Variants in SGPL1 observed in about 807,000 individuals in gnomAD.
SGPL1 encodes sphingosine-1-phosphate lyase 1.
A neutral mutation model predicts 68.9 loss-of-function variants in SGPL1; 37 were observed. The ratio of observed to expected loss-of-function variants is 0.54; its 90% CI spans 0.41 to 0.71. The LOEUF (loss-of-function observed/expected upper bound fraction) is 0.71. SGPL1 is among the 30% of genes least tolerant of loss of function. The pLI, the probability that SGPL1 is intolerant of heterozygous loss-of-function variation, is 0.00. For synonymous variants in SGPL1, 236 were observed against 248.5 expected (o/e 0.95, Z 0.47); for missense variants, 551 against 704.6 (o/e 0.78, Z 2.47).
rs1330772364 is a variant in SGPL1 at position 70,825,801 on chromosome 10, A to G, written c.27+8921A>G. ...ATTTTTCATGTGTCCAGATCACTGA[A>G]TGCATCAGCTAGAATTAGGTTTGAG... On this transcript the variant is annotated intron_variant, in intron 2 of 14. Transcript: ENST00000373202. Among the ~76,000 whole-genome samples, 4 of 152,206 alleles carry G rather than the reference A, an allele frequency of 2.6e-5. No homozygotes were observed. The East Asian group carries it at 7.7e-4, about 29-fold the overall frequency.
intron 7 of SGPL1, among the ~76,000 whole-genome samples, chr10:70,861,564 C>T (rs1846054966): frequency 1.3e-5 from 2 of 152,222 alleles, no homozygotes; most frequent in Admixed American, 6.5e-5. Context: ...CTCTTCAGCC[C>T]ACCGCTGCAC....
intron 8 of SGPL1, chr10:70,869,198 G>T (rs1846245908): frequency 6.6e-6 from 1 of 152,274 alleles, no homozygotes; most frequent in Admixed American, 6.5e-5. Flanking sequence ...TGTATGAATG[G>T]AGTAGTTGAG....
At chr10:70,818,603 C>T (rs1026046418) in intron 2 of SGPL1, among the ~76,000 whole-genome samples, 2 of 152,102 alleles carry the variant, frequency 1.3e-5, no homozygotes, top group Non-Finnish European at 2.9e-5. Flanking sequence ...AGTGGCATAA[C>T]CTGTAAGGTC....
At chr10:70,862,974 G>T (rs1237451574) in intron 7 of SGPL1, among the ~76,000 whole-genome samples, 2 of 152,070 alleles carry the variant, frequency 1.3e-5, no homozygotes, top group African/African-American at 4.8e-5. Flanking sequence ...CTGTTTTGTA[G>T]TTCTCCTTTT....
At chr10:70,833,404 T>G (rs1845575927) in intron 2 of SGPL1, among the ~76,000 whole-genome samples, 1 of 152,222 alleles carries the variant, frequency 6.6e-6, no homozygotes, top group Non-Finnish European at 1.5e-5. Context: ...TTCAGTTTCC[T>G]CAAACGTTTC....
At chr10:70,829,056 C>T (rs1436621579) in intron 2 of SGPL1, among the ~76,000 whole-genome samples, 7 of 152,092 alleles carry the variant, frequency 4.6e-5, no homozygotes. Context: ...GGAAGAAAGC[C>T]TAAGACTCTG....
chr10:70,830,929 C>A (rs558734073), intron 2 of SGPL1, among the ~76,000 whole-genome samples: 89 of 152,190 alleles, frequency 5.8e-4, no homozygotes, highest in African/African-American at 2.0e-3. Flanking sequence ...ATAACTGGTT[C>A]AAAGGAGAGG....
intron 5 of SGPL1, chr10:70,857,393 T>C (rs1249904463): frequency 2.6e-5 from 12 of 462,194 alleles, no homozygotes; most frequent in Non-Finnish European, 4.0e-5. Flanking sequence ...ATGCTATTAA[T>C]ATCTTTTTCA....
intron 3 of SGPL1, 37 bp downstream of exon 3, chr10:70,844,675 G>C: frequency 1.3e-6 from 2 of 1,569,964 alleles, no homozygotes; most frequent in Non-Finnish European, 1.7e-6. Context: ...GTATAGTGGT[G>C]TGTCACTAGC....
At chr10:70,837,188 A>C (rs765262483) in intron 2 of SGPL1, among the ~76,000 whole-genome samples, 51 of 151,206 alleles carry the variant, frequency 3.4e-4, no homozygotes, top group Non-Finnish European at 6.1e-4. Context: ...AGCGATTCTC[A>C]TGCTTCAGCC....
In SGPL1 at chr10:70,869,699, A is replaced by G. The variant is rs146181199; in HGVS notation, c.705-93A>G. 6,195 of 929,658 alleles carry G rather than the reference A, an allele frequency of 6.7e-3. 55 individuals carry two copies. Among genetic ancestry groups the G allele is most frequent in the Middle Eastern group, 9.4e-3 (42 of 4,458 alleles). The allele number at this position is 929,658 out of a possible 1,614,324, so 57.6% of individuals were successfully genotyped here. A position where few individuals can be genotyped will look rare whatever the true frequency, so the allele number is the denominator to read the frequency against. On this transcript the variant is annotated intron_variant, in intron 8 of 14. Coordinates refer to ENST00000373202, the MANE Select transcript of SGPL1 (RefSeq NM_003901.4). ...ATTTTTAATTTGGGGAAAAATAATC[A>G]GAACTTACTCCCGGTAATTTAGATT...
chr10:70,819,556 A>G (rs999404052), intron 2 of SGPL1, among the ~76,000 whole-genome samples: 1 of 152,168 alleles, frequency 6.6e-6, no homozygotes, highest in African/African-American at 2.4e-5. Context: ...GACCTAAGTG[A>G]ATAAAAAAAT....
At chr10:70,870,991 A>G in intron 9 of SGPL1, 57 bp from the exon 10 acceptor site, 1 of 1,469,730 alleles carries the variant, frequency 6.8e-7, no homozygotes, top group Non-Finnish European at 9.5e-7. Flanking sequence ...TTGGCAGCAG[A>G]AGAGAAGAGT....
chr10:70,879,061 G>T lies in SGPL1; in HGVS notation c.*1726G>T, dbSNP rs533338420. The T allele has an allele frequency of 6.5e-6, 1 of 153,030 alleles. No homozygotes were observed. The highest frequency in any genetic ancestry group is 2.4e-5 in the African/African-American group (1 of 41,576). 9.5% of individuals were successfully genotyped at this position (153,030 alleles called of 1,614,324 possible). ...GTGCCTTTCTCCTCAGCAGTGAGCA[G>T]TGAGCTACTCCTGGCCCAGGCCCTA... On this transcript the variant is annotated 3_prime_UTR_variant, in exon 15 of 15. Coordinates refer to ENST00000373202, the MANE Select transcript of SGPL1 (RefSeq NM_003901.4).
chr10:70,857,595 A>C lies in SGPL1; in HGVS notation c.410-19A>C, dbSNP rs778614171. 21 of 1,604,684 alleles carry C rather than the reference A, an allele frequency of 1.3e-5. No individual in the cohort carries two copies. In the African/African-American group the frequency reaches 2.8e-4, roughly 21 times the overall value. ...AGAGATTCTTGCTTACTGACCAGTG[A>C]CCTTACCTTTCTCTGCAGACGCCTT... On this transcript the variant is annotated intron_variant, in intron 5 of 14. Coordinates refer to ENST00000373202, the MANE Select transcript of SGPL1 (RefSeq NM_003901.4).
At chr10:70,817,530 C>G (rs955345178) in intron 2 of SGPL1, among the ~76,000 whole-genome samples, 7 of 152,142 alleles carry the variant, frequency 4.6e-5, no homozygotes, top group Non-Finnish European at 8.8e-5. Flanking sequence ...CCTGGAACTC[C>G]CACTTCAAGT....
At chr10:70,827,119 G>T (rs1322296009) in intron 2 of SGPL1, among the ~76,000 whole-genome samples, 1 of 152,112 alleles carries the variant, frequency 6.6e-6, no homozygotes, top group Non-Finnish European at 1.5e-5. Flanking sequence ...TTCTGAAGAG[G>T]CCAATACAAT....
chr10:70,851,719 G>GTTT (rs1845885286), intron 4 of SGPL1, among the ~76,000 whole-genome samples: 1 of 152,152 alleles, frequency 6.6e-6, no homozygotes, highest in Non-Finnish European at 1.5e-5. Flanking sequence ...TCTATAAAGG[G>GTTT]CTAGATATGA....
At chr10:70,870,866 C>T (rs1010281683) in intron 9 of SGPL1, among the ~76,000 whole-genome samples, 182 bp from the exon 10 acceptor site, 1 of 152,188 alleles carries the variant, frequency 6.6e-6, no homozygotes, top group African/African-American at 2.4e-5. Context: ...AATGGACTTA[C>T]CTGGAGTCAC....
Sources: gnomAD v4.1 joint callset for allele counts (sites outside exome capture counted in the v4.1 genomes callset) on GRCh38, gnomAD v4.1.1 for gene constraint, MANE v1.5 for transcripts, NCBI Gene and HGNC (gene_info 2026-07-23, HGNC 2026-07-21) for gene names.